Variants in AFAP1L2 observed in about 807,000 individuals in gnomAD.
AFAP1L2 encodes actin filament-associated protein 1-like 2.
In AFAP1L2, 46 loss-of-function variants were observed where a neutral mutation model predicts 99.3. The observed-to-expected ratio is 0.46, with a 90% CI of 0.37 to 0.59. The LOEUF (loss-of-function observed/expected upper bound fraction) is 0.59. Ranked by LOEUF, AFAP1L2 falls within the 20% of genes least tolerant of loss-of-function variation. AFAP1L2 has a pLI of 0.00. For synonymous variants in AFAP1L2, 397 were observed against 419.1 expected (o/e 0.95, Z 0.64); for missense variants, 959 against 1,034.9 (o/e 0.93, Z 1.01).
intron 1 of AFAP1L2, among the ~76,000 whole-genome samples, 200 bp downstream of exon 1, chr10:114,404,240 G>A (rs919393861): frequency 6.6e-6 from 1 of 152,248 alleles, no homozygotes; most frequent in Non-Finnish European, 1.5e-5. Context: ...CAAAGGGCTC[G>A]GGCCGCAGCA....
At chr10:114,319,117 G>A (rs922637974) in intron 5 of AFAP1L2, among the ~76,000 whole-genome samples, 3 of 152,158 alleles carry the variant, frequency 2.0e-5, no homozygotes, top group Admixed American at 2.0e-4. Flanking sequence ...TCATGCCACT[G>A]CACTTCAGCC....
chr10:114,294,296 A>G (rs920978456), downstream of AFAP1L2, among the ~76,000 whole-genome samples: 5 of 152,202 alleles, frequency 3.3e-5, no homozygotes, highest in African/African-American at 1.2e-4. Flanking sequence ...ATAATGGAAA[A>G]TACATATTTC....
intron 1 of AFAP1L2, among the ~76,000 whole-genome samples, chr10:114,384,495 C>T (rs552226542): frequency 7.1e-4 from 108 of 152,326 alleles, no homozygotes; most frequent in Non-Finnish European, 1.4e-3. Flanking sequence ...TGAGAGACAG[C>T]TGTTGGGCTT....
chr10:114,290,268 A>G (rs1378844679), downstream of AFAP1L2: 1 of 1,550,522 alleles, frequency 6.4e-7, no homozygotes, highest in East Asian at 2.4e-5. Context: ...ACCTCTGCAA[A>G]CCCAGCCCGT....
chr10:114,307,401 C>A (rs551497264), intron 10 of AFAP1L2, among the ~76,000 whole-genome samples: 1 of 152,032 alleles, frequency 6.6e-6, no homozygotes, highest in Admixed American at 6.5e-5. Context: ...TGGCACAGTG[C>A]GTGCTTATGG....
At chr10:114,385,214 G>A (rs981078104) in intron 1 of AFAP1L2, among the ~76,000 whole-genome samples, 4 of 152,174 alleles carry the variant, frequency 2.6e-5, no homozygotes, top group Non-Finnish European at 5.9e-5. Flanking sequence ...GGAGACAGGA[G>A]GGCAGGAAGC....
intron 8 of AFAP1L2, 59 bp from the exon 9 acceptor site, chr10:114,308,576 C>T: frequency 5.4e-6 from 8 of 1,471,332 alleles, no homozygotes; most frequent in African/African-American, 1.4e-5. Context: ...CCTTGGAGAC[C>T]ACAATTGAAG....
At chr10:114,405,049 T>C (rs1185206228), upstream of AFAP1L2, among the ~76,000 whole-genome samples, 2 of 152,186 alleles carry the variant, frequency 1.3e-5, no homozygotes, top group Admixed American at 1.3e-4. Context: ...TCCGGGTTCT[T>C]TGGGGATTGC....
chr10:114,364,562 A>T (rs2052924635), intron 1 of AFAP1L2, among the ~76,000 whole-genome samples: 1 of 152,142 alleles, frequency 6.6e-6, no homozygotes, highest in African/African-American at 2.4e-5. Context: ...TCTTCTTCTT[A>T]TAAGGACACC....
downstream of AFAP1L2, chr10:114,290,128 G>T: frequency 1.4e-6 from 2 of 1,420,956 alleles, no homozygotes; most frequent in Non-Finnish European, 1.9e-6. Flanking sequence ...CCGGGGCAAA[G>T]GGAGACATGA....
intron 7 of AFAP1L2, among the ~76,000 whole-genome samples, chr10:114,312,316 A>C (rs896823821): frequency 6.7e-6 from 1 of 150,344 alleles, no homozygotes; most frequent in Admixed American, 6.6e-5. Flanking sequence ...ATGAGCAAAA[A>C]TGTGTATGCA....
chr10:114,398,738 C>T, intron 1 of AFAP1L2: 1 of 1,043,958 alleles, frequency 9.6e-7, no homozygotes, highest in Non-Finnish European at 1.3e-6. Flanking sequence ...TGCCCAGCTC[C>T]TTGATCTCCC....
intron 1 of AFAP1L2, among the ~76,000 whole-genome samples, chr10:114,378,331 A>G (rs906344125): frequency 6.6e-6 from 1 of 152,118 alleles, no homozygotes; most frequent in Non-Finnish European, 1.5e-5. Flanking sequence ...TTATTATTCT[A>G]TTAGCTCTTT....
At chr10:114,363,271 C>A (rs760563140) in intron 1 of AFAP1L2, 5 of 737,318 alleles carry the variant, frequency 6.8e-6, no homozygotes, top group African/African-American at 1.9e-5. Context: ...GCTTCTTTAC[C>A]GTAACATGTA....
At chr10:114,340,916 A>G in intron 1 of AFAP1L2, 185 bp from the exon 2 acceptor site, 1 of 736,528 alleles carries the variant, frequency 1.4e-6, no homozygotes, top group South Asian at 1.8e-5. Flanking sequence ...CTCCAGGGCC[A>G]CAGGGAGAGA....
At chr10:114,362,434 G>A (rs2052571289) in intron 1 of AFAP1L2, among the ~76,000 whole-genome samples, 1 of 152,180 alleles carries the variant, frequency 6.6e-6, no homozygotes, top group African/African-American at 2.4e-5. Flanking sequence ...AGAAGAGGGA[G>A]ATCCAAGACA....
At chr10:114,298,053 C>G (rs1251660291) in intron 16 of AFAP1L2, among the ~76,000 whole-genome samples, 1 of 152,148 alleles carries the variant, frequency 6.6e-6, no homozygotes, top group Non-Finnish European at 1.5e-5. Flanking sequence ...AAAACGTATA[C>G]TAATAATGTT....
At chr10:114,303,250 C>G (rs1317027808) in intron 11 of AFAP1L2, among the ~76,000 whole-genome samples, 2 of 152,212 alleles carry the variant, frequency 1.3e-5, no homozygotes, top group Non-Finnish European at 2.9e-5. Flanking sequence ...CTGCTACATT[C>G]TCTTCATCAA....
chr10:114,387,279 T>C lies in AFAP1L2; in HGVS notation c.16+17161A>G, dbSNP rs78915990. Among the ~76,000 whole-genome samples, 868 of 152,356 alleles carry C rather than the reference T, an allele frequency of 5.7e-3. 11 individuals are homozygous for C. Among genetic ancestry groups the C allele is most frequent in the African/African-American group, 0.02 (831 of 41,580 alleles). ...TTTTTCATTGATCTTCCCAGCATTC[T>C]GCATTGTGAGGAAAGTGGTGATTAT... On this transcript the variant is annotated intron_variant, in intron 1 of 18. Coordinates refer to ENST00000304129, the MANE Select transcript of AFAP1L2 (RefSeq NM_001001936.3).
Sources: gnomAD v4.1 joint callset for allele counts (sites outside exome capture counted in the v4.1 genomes callset) on GRCh38, gnomAD v4.1.1 for gene constraint, MANE v1.5 for transcripts, NCBI Gene and HGNC (gene_info 2026-07-23, HGNC 2026-07-21) for gene names.